The following FGF13 variants were observed in gnomAD, a reference collection of about 807,000 sequenced individuals.
The protein encoded by FGF13 is fibroblast growth factor homologous factor 2.
FGF13 carries 2 observed loss-of-function variants against 19.5 expected under a neutral mutation model. The observed-to-expected ratio is 0.10, with a 90% CI of 0.04 to 0.32. The LOEUF (loss-of-function observed/expected upper bound fraction) is 0.32. Ranked by LOEUF, FGF13 falls within the 10% of genes least tolerant of loss-of-function variation. FGF13 has a pLI of 1.00. For missense variants in FGF13, 113 were observed against 192.7 expected (o/e 0.59, Z 2.45); for synonymous variants, 72 against 76.9 (o/e 0.94, Z 0.33).
At chrX:139,119,287 A>T (rs1033550156) in intron 1 of FGF13, among the ~76,000 whole-genome samples, 1 of 112,376 alleles carries the variant, frequency 8.9e-6, no homozygotes, top group Non-Finnish European at 1.9e-5. Flanking sequence ...TCCGCCAATA[A>T]TAATGAGAGT....
At chrX:139,003,741 C>G (rs948085347) in intron 1 of FGF13, among the ~76,000 whole-genome samples, 1 of 111,129 alleles carries the variant, frequency 9.0e-6, no homozygotes, top group Non-Finnish European at 1.9e-5. Flanking sequence ...TGTTTACAAA[C>G]CTTGAGCTAG....
chrX:138,931,792 T>C lies in FGF13; in HGVS notation c.-112-67142A>G, dbSNP rs545904519. 5.3e-5 allele frequency among the ~76,000 whole-genome samples: 6 copies of C among 112,385 alleles called. No homozygotes were observed. The South Asian group carries it at 2.2e-3, about 42-fold the overall frequency. ...TACTCAGCTGTACCCTAAATACATA[T>C]GTGTCTACTAAGAAGAGTGTAACAA... On this transcript the variant is annotated intron_variant, in intron 1 of 2. Coordinates refer to the FGF13 transcript ENST00000421460.
intron 3 of FGF13, among the ~76,000 whole-genome samples, chrX:138,782,768 C>T (rs1343933464): frequency 1.0e-5 from 1 of 100,405 alleles, no homozygotes; most frequent in Admixed American, 1.1e-4. Context: ...AATGCCATCC[C>T]CATCAAGCTA....
rs1433626906 is a variant in FGF13, at chrX:138,629,307, C to A, written c.*3543G>T. ...CAGATTTCTTTAACACAAGACTTTT[C>A]AGAAATTAATTTGCTAATGCACGCT... On this transcript the variant is annotated 3_prime_UTR_variant, in exon 5 of 5. Transcript: ENST00000315930. The A allele has an allele frequency of 4.5e-5, 5 of 112,176 alleles. No individual in the cohort carries two copies. Among genetic ancestry groups the A allele is most frequent in the African/African-American group, 1.6e-4 (5 of 30,878 alleles). The allele number at this position is 112,176 out of a possible 1,213,427, so 9.2% of individuals were successfully genotyped here.
intron 1 of FGF13, among the ~76,000 whole-genome samples, chrX:138,881,871 C>T (rs1041643976): frequency 9.1e-6 from 1 of 110,207 alleles, no homozygotes; most frequent in African/African-American, 3.3e-5. Context: ...ATTGATTCTC[C>T]ATATTGTTTT....
intron 3 of FGF13, among the ~76,000 whole-genome samples, chrX:138,787,839 AG>A (rs375707633): frequency 7.2e-4 from 79 of 110,293 alleles, no homozygotes; most frequent in African/African-American, 2.6e-3. Flanking sequence ...TCCCATCATT[AG>A]GGCTCCACCC....
intron 3 of FGF13, among the ~76,000 whole-genome samples, chrX:138,814,103 T>C (rs1448879089): frequency 9.0e-6 from 1 of 110,810 alleles, no homozygotes; most frequent in Non-Finnish European, 1.9e-5. Context: ...CTTGAAGAAA[T>C]AGAAAGACAT....
chrX:138,984,814 CTG>C (rs200719953), intron 1 of FGF13, among the ~76,000 whole-genome samples: 27 of 90,854 alleles, frequency 3.0e-4, no homozygotes, highest in African/African-American at 9.3e-4. Flanking sequence ...TATGTCAGTT[CTG>C]TGTGTGTGTG....
chrX:138,785,848 A>G (rs1490567692), intron 3 of FGF13, among the ~76,000 whole-genome samples: 1 of 111,628 alleles, frequency 9.0e-6, no homozygotes, highest in African/African-American at 3.3e-5. Flanking sequence ...TAGGGACCTC[A>G]AACCTAGGAT....
intron 1 of FGF13, among the ~76,000 whole-genome samples, chrX:139,084,705 G>A (rs760875817): frequency 1.8e-5 from 2 of 111,983 alleles, no homozygotes; most frequent in East Asian, 5.6e-4. Context: ...GGTCCTGGGG[G>A]CTTGCTGATG....
chrX:138,783,978 T>C, intron 3 of FGF13, among the ~76,000 whole-genome samples: 1 of 101,515 alleles, frequency 9.9e-6, no homozygotes, highest in Non-Finnish European at 2.0e-5. Context: ...TGGAATACTA[T>C]GCAGCCATAA....
At chrX:138,906,861 C>G (rs891123138) in intron 1 of FGF13, among the ~76,000 whole-genome samples, 2 of 111,668 alleles carry the variant, frequency 1.8e-5, no homozygotes, top group Admixed American at 1.9e-4. Context: ...CAGCATTGCA[C>G]TGAGGCAGGC....
At chrX:139,150,568 A>T (rs749264211) in intron 1 of FGF13, among the ~76,000 whole-genome samples, 1 of 111,316 alleles carries the variant, frequency 9.0e-6, no homozygotes, top group Non-Finnish European at 1.9e-5. Flanking sequence ...CTGTTATTGT[A>T]TCTAGCCCTC....
chrX:138,986,744 G>C (rs1376299279), intron 1 of FGF13, among the ~76,000 whole-genome samples: 4 of 111,152 alleles, frequency 3.6e-5, no homozygotes, highest in African/African-American at 1.3e-4. Flanking sequence ...ATTTGCTCTA[G>C]AATAAATTTC....
chrX:138,897,303 C>T (rs916906441), intron 1 of FGF13, among the ~76,000 whole-genome samples: 3 of 111,371 alleles, frequency 2.7e-5, no homozygotes, highest in Non-Finnish European at 5.6e-5. Flanking sequence ...AGCCACCACG[C>T]CCAGCTTATT....
chrX:138,715,640 A>G (rs2090094483), upstream of FGF13, among the ~76,000 whole-genome samples: 1 of 111,799 alleles, frequency 8.9e-6, no homozygotes, highest in African/African-American at 3.3e-5. Context: ...GCCTATGATT[A>G]TTTTTCCCAT....
chrX:139,134,741 C>G (rs1264457661), intron 1 of FGF13, among the ~76,000 whole-genome samples: 1 of 111,558 alleles, frequency 9.0e-6, no homozygotes, highest in African/African-American at 3.3e-5. Context: ...CTCTGCCTCC[C>G]GGGTTCAAAC....
rs541422061 is a variant in FGF13 at position 138,983,699 on chromosome X, A to C, written c.-112-119049T>G. On this transcript the variant is annotated intron_variant, in intron 1 of 2. Coordinates refer to the FGF13 transcript ENST00000421460. ...TGAGTATTTACACAAAAGAATTAAA[A>C]TCAGGATCTTGAAAAGATATTTGGA... is the stretch of plus-strand genomic sequence containing the variant. 5.4e-5 allele frequency among the ~76,000 whole-genome samples: 6 copies of C among 110,835 alleles called. No homozygotes were observed. The South Asian group carries it at 2.3e-3, about 43-fold the overall frequency.
chrX:139,037,287 A>G (rs1473350121), intron 1 of FGF13, among the ~76,000 whole-genome samples: 1 of 111,476 alleles, frequency 9.0e-6, no homozygotes, highest in Non-Finnish European at 1.9e-5. Flanking sequence ...CTCTCTCCAT[A>G]TACTAAAGAA....
Sources: allele counts gnomAD v4.1 joint callset (sites outside exome capture counted in the v4.1 genomes callset), GRCh38; gene constraint gnomAD v4.1.1; transcripts MANE v1.5; gene names NCBI Gene and HGNC (gene_info 2026-07-23, HGNC 2026-07-21).